Variants in SUMF1 observed in about 807,000 individuals in gnomAD.
The protein encoded by SUMF1 is formylglycine-generating enzyme.
Under a neutral mutation model 47.6 loss-of-function variants are expected in SUMF1, and 48 were observed. The observed-to-expected ratio is 1.01, with a 90% CI of 0.80 to 1.28. SUMF1 has a LOEUF of 1.28. Ranked by LOEUF, SUMF1 falls within the 50% of genes most tolerant of loss-of-function variation. SUMF1 has a pLI of 0.00. For synonymous variants in SUMF1, 230 were observed against 192.1 expected (o/e 1.20, Z -1.63); for missense variants, 571 against 485.4 (o/e 1.18, Z -1.66).
intron 8 of SUMF1, among the ~76,000 whole-genome samples, chr3:4,364,631 C>A (rs1260114854): frequency 6.6e-6 from 1 of 151,190 alleles, no homozygotes; most frequent in African/African-American, 2.4e-5. Flanking sequence ...CTTTATTAGT[C>A]TTGCTAGCGG....
At chr3:4,446,117 C>T (rs943713669) in intron 3 of SUMF1, among the ~76,000 whole-genome samples, 1 of 152,186 alleles carries the variant, frequency 6.6e-6, no homozygotes, top group Non-Finnish European at 1.5e-5. Context: ...ATGAAAGTAT[C>T]TCCATTAATA....
At chr3:4,316,619 ATCT>A in intron 8 of SUMF1, 3 of 1,551,234 alleles carry the variant, frequency 1.9e-6, no homozygotes, top group South Asian at 1.2e-5. Flanking sequence ...TTGAAGTGTC[ATCT>A]TCTCTTATTC....
intron 8 of SUMF1, among the ~76,000 whole-genome samples, chr3:4,287,108 T>A (rs1697647655): frequency 6.6e-6 from 1 of 152,214 alleles, no homozygotes; most frequent in Admixed American, 6.5e-5. Context: ...TCACAGCTAA[T>A]GGAATGTGTG....
Position 4,109,046 on chromosome 3 carries a change from T to C in SUMF1, c.1015-40301A>G, listed in dbSNP as rs532041813. ...CATGGTCTTTACAATTTGGCATGTT[T>C]TTGCAGTGGCCGATACCAGTTGTTC... On this transcript the variant is annotated intron_variant and NMD_transcript_variant, in intron 8 of 12. Transcript: ENST00000448413. Among the ~76,000 whole-genome samples, 3 of 152,268 alleles carry C rather than the reference T, an allele frequency of 2.0e-5. No individual in the cohort carries two copies. In the East Asian group the frequency reaches 5.8e-4, roughly 29 times the overall value.
At chr3:4,449,190 G>A in intron 3 of SUMF1, 76 bp downstream of exon 3, 1 of 1,482,696 alleles carries the variant, frequency 6.7e-7, no homozygotes. Context: ...GGTGACACAT[G>A]TGGTTTGGAT....
chr3:4,280,066 T>A (rs1363407310), intron 8 of SUMF1, among the ~76,000 whole-genome samples: 2 of 152,136 alleles, frequency 1.3e-5, no homozygotes, highest in African/African-American at 2.4e-5. Flanking sequence ...TGAAAACCAC[T>A]AAGACAGTAG....
intron 8 of SUMF1, among the ~76,000 whole-genome samples, chr3:4,098,050 T>C (rs1490377104): frequency 2.0e-5 from 3 of 152,124 alleles, no homozygotes; most frequent in Admixed American, 6.5e-5. Context: ...TCCGCTGAAA[T>C]GCCCAGAAGA....
intron 8 of SUMF1, among the ~76,000 whole-genome samples, chr3:4,187,998 C>T (rs1695238577): frequency 1.3e-5 from 2 of 151,970 alleles, no homozygotes; most frequent in South Asian, 4.2e-4. Flanking sequence ...TTTTAGAGCA[C>T]TTTTGGGTTC....
chr3:4,382,319 TACAC>T, intron 7 of SUMF1, among the ~76,000 whole-genome samples: 1 of 142,282 alleles, frequency 7.0e-6, no homozygotes, highest in Non-Finnish European at 1.5e-5. Flanking sequence ...CTCTTATACA[TACAC>T]ACACACATAC....
At chr3:4,065,808 A>G (rs1490751940) in intron 9 of SUMF1, among the ~76,000 whole-genome samples, 1 of 152,144 alleles carries the variant, frequency 6.6e-6, no homozygotes, top group Non-Finnish European at 1.5e-5. Flanking sequence ...AAGGATTGCT[A>G]TAGTAACCTG....
intron 9 of SUMF1, among the ~76,000 whole-genome samples, chr3:4,065,468 A>T (rs903579215): frequency 6.6e-6 from 1 of 152,170 alleles, no homozygotes; most frequent in Non-Finnish European, 1.5e-5. Context: ...CTAAGGCAAG[A>T]CAAACAGAAC....
chr3:4,228,237 G>T (rs1696217326), intron 8 of SUMF1, among the ~76,000 whole-genome samples: 1 of 151,946 alleles, frequency 6.6e-6, no homozygotes, highest in African/African-American at 2.4e-5. Context: ...CTTTATTTAA[G>T]TCAAAATTAA....
At chr3:4,068,681 G>T (rs1695439612) in exon 9 of SUMF1, 1 of 451,228 alleles carries the variant, frequency 2.2e-6, no homozygotes, top group Admixed American at 2.4e-5. Flanking sequence ...CCACCTGCTG[G>T]CTGTGTGTCT....
rs981932056 is a variant in SUMF1 at position 4,254,058 on chromosome 3, T to C, written c.1014+122272A>G. 1.4e-4 allele frequency among the ~76,000 whole-genome samples: 21 copies of C among 151,610 alleles called. No individual in the cohort carries two copies. The South Asian group carries it at 1.9e-3, about 14-fold the overall frequency. On this transcript the variant is annotated intron_variant and NMD_transcript_variant, in intron 8 of 12. Transcript: ENST00000448413. ...CAGACCTGCAGCTGAGGGTCCTGTCTGTTAGAAGGAAAACTAACAAACAGA... is the reference window on the plus strand; with the variant it reads ...CAGACCTGCAGCTGAGGGTCCTGTCCGTTAGAAGGAAAACTAACAAACAGA...
At chr3:4,466,936 C>T in intron 1 of SUMF1, 40 bp downstream of exon 1, 1 of 1,598,702 alleles carries the variant, frequency 6.3e-7, no homozygotes, top group South Asian at 1.1e-5. Flanking sequence ...GTCCAGGAAC[C>T]GAGCAGCCCC....
At chr3:4,415,158 C>T (rs1040366624) in intron 6 of SUMF1, among the ~76,000 whole-genome samples, 11 of 140,372 alleles carry the variant, frequency 7.8e-5, no homozygotes, top group Admixed American at 3.8e-4. Context: ...ACCCAGGAGG[C>T]GGAGGTTGGA....
At chr3:4,287,845 T>G (rs1008487479) in intron 8 of SUMF1, among the ~76,000 whole-genome samples, 2 of 152,226 alleles carry the variant, frequency 1.3e-5, no homozygotes, top group East Asian at 3.8e-4. Flanking sequence ...TCTATTATTA[T>G]CAACCAAGCA....
intron 8 of SUMF1, chr3:4,303,987 A>G: frequency 1.7e-6 from 1 of 579,358 alleles, no homozygotes; most frequent in Non-Finnish European, 2.5e-6. Context: ...GCGAGTGTAA[A>G]TTAGCTGTGG....
chr3:4,312,990 C>T (rs749526346), intron 8 of SUMF1: 2 of 1,614,062 alleles, frequency 1.2e-6, no homozygotes, highest in Non-Finnish European at 1.7e-6. Flanking sequence ...CTCCCTGCCT[C>T]CCTGGCACTT....
Sources: gnomAD v4.1 joint callset for allele counts (sites outside exome capture counted in the v4.1 genomes callset) on GRCh38, gnomAD v4.1.1 for gene constraint, MANE v1.5 for transcripts, NCBI Gene and HGNC (gene_info 2026-07-23, HGNC 2026-07-21) for gene names.